The following DIP2C variants were observed in gnomAD, a reference collection of about 807,000 sequenced individuals.
The protein encoded by DIP2C is DIP2 acetate--CoA ligase C (putative), also known as disco-interacting protein 2 homolog C.
In DIP2C, 33 loss-of-function variants were observed where a neutral mutation model predicts 192.4. The observed-to-expected ratio is 0.17, with a 90% confidence interval of 0.13 to 0.23. The LOEUF is 0.23. Ranked by LOEUF, DIP2C falls within the 10% of genes least tolerant of loss-of-function variation. The probability of loss-of-function intolerance (pLI) is 1.00; values close to 1 mark genes in which losing one functional copy is unlikely to be tolerated. For synonymous variants in DIP2C, 979 were observed against 864.1 expected, an observed-to-expected ratio of 1.13 and a Z score of -2.33; for missense variants, 1,537 against 2,110.1, an observed-to-expected ratio of 0.73 and a Z score of 5.32.
At chr10:486,151 C>T (rs924036893) in intron 2 of DIP2C, among the ~76,000 whole-genome samples, 2 of 124,996 alleles carry the variant, frequency 1.6e-5, no homozygotes, top group African/African-American at 5.0e-5. Flanking sequence ...CTCTCTAAAC[C>T]AAATATGTTG....
At chr10:619,538 C>T (rs1853718004) in intron 1 of DIP2C, among the ~76,000 whole-genome samples, 1 of 123,486 alleles carries the variant, frequency 8.1e-6, no homozygotes, top group South Asian at 2.9e-4. Flanking sequence ...AGCCCGCCCG[C>T]CCGCCCTCCC....
intron 1 of DIP2C, among the ~76,000 whole-genome samples, chr10:617,036 T>C (rs955031929): frequency 6.6e-6 from 1 of 152,000 alleles, no homozygotes; most frequent in African/African-American, 2.4e-5. Context: ...GCGTAGCACA[T>C]GGCTAAGGGC....
chr10:454,246 T>C (rs536824084), intron 3 of DIP2C, among the ~76,000 whole-genome samples: 1 of 152,312 alleles, frequency 6.6e-6, no homozygotes, highest in South Asian at 2.1e-4. Flanking sequence ...TCATGCAGCA[T>C]TGAATAAATC....
At chr10:440,108 G>A (rs998178001) in intron 4 of DIP2C, among the ~76,000 whole-genome samples, 1 of 152,224 alleles carries the variant, frequency 6.6e-6, no homozygotes, top group Non-Finnish European at 1.5e-5. Flanking sequence ...GGAAGATCAT[G>A]AGATGTAGTT....
intron 1 of DIP2C, among the ~76,000 whole-genome samples, chr10:493,998 GGGA>G (rs994856237): frequency 3.3e-5 from 5 of 152,176 alleles, no homozygotes; most frequent in East Asian, 1.9e-4. Context: ...CTGCTGAAGG[GGGA>G]GGAGGACAAC....
At position 370,658 on chromosome 10, in the gene DIP2C, C is replaced by T. The variant is rs77231513; in HGVS notation, c.1992-1025G>A. ...AGTTAAAATCTAAGATCACGGATTA[C>T]ATTCCTGAAAACTAACAATTCCTCA... On this transcript the variant is annotated intron_variant, in intron 17 of 36. Coordinates refer to ENST00000280886, the MANE Select transcript of DIP2C (RefSeq NM_014974.3). Among the ~76,000 whole-genome samples, 312 of 152,354 alleles carry T rather than the reference C, an allele frequency of 2.0e-3. 1 individual carries two copies. Among genetic ancestry groups the T allele is most frequent in the Middle Eastern group, 0.014 (4 of 294 alleles).
chr10:365,601 T>A (rs1001067153), intron 19 of DIP2C, among the ~76,000 whole-genome samples: 6 of 152,216 alleles, frequency 3.9e-5, no homozygotes, highest in African/African-American at 1.4e-4. Context: ...TTTTCTTACA[T>A]ATAACTTAAA....
At position 281,139 on chromosome 10, in the gene DIP2C, T is replaced by A. The variant is rs917855747; in HGVS notation, c.4418+61A>T. 5 of 1,597,446 alleles carry A rather than the reference T, an allele frequency of 3.1e-6. No homozygotes were observed. In the African/African-American group the frequency reaches 6.7e-5, roughly 21 times the overall value. ...CTCCTCCACCGCCGTGCTCTCCACA[T>A]TCTCAATGCTTCACAAACTCTGCTC... On this transcript the variant is annotated intron_variant, in intron 36 of 36. Transcript: ENST00000280886.
intron 36 of DIP2C, 82 bp downstream of exon 36, chr10:281,118 T>TCC: frequency 6.4e-7 from 1 of 1,567,940 alleles, no homozygotes; most frequent in South Asian, 1.2e-5. Flanking sequence ...AAAACTCTCC[T>TCC]CCACCGCCGT....
intron 26 of DIP2C, 152 bp downstream of exon 26, chr10:348,489 G>A: frequency 1.6e-6 from 2 of 1,213,846 alleles, no homozygotes; most frequent in Non-Finnish European, 2.3e-6. Flanking sequence ...TAGGCTCCCT[G>A]CAGGTAGAGA....
chr10:622,582 T>A (rs940784016), intron 1 of DIP2C, among the ~76,000 whole-genome samples: 2 of 152,188 alleles, frequency 1.3e-5, no homozygotes, highest in African/African-American at 4.8e-5. Context: ...ATAGTTGATA[T>A]CAGGGACCTG....
At chr10:418,092 T>C (rs1406410754) in intron 6 of DIP2C, among the ~76,000 whole-genome samples, 1 of 4,764 alleles carries the variant, frequency 2.1e-4, no homozygotes, top group Non-Finnish European at 5.6e-4. Context: ...AGGCCTCAGA[T>C]AGGCATCCCC....
At chr10:279,336 T>C (rs952504908) in intron 36 of DIP2C, among the ~76,000 whole-genome samples, 7 of 152,120 alleles carry the variant, frequency 4.6e-5, no homozygotes, top group African/African-American at 1.7e-4. Context: ...GCATTTGAAA[T>C]GTATGGAATA....
At chr10:527,008 G>T (rs1276807550) in intron 1 of DIP2C, among the ~76,000 whole-genome samples, 4 of 152,332 alleles carry the variant, frequency 2.6e-5, no homozygotes, top group African/African-American at 9.6e-5. Context: ...GGCGGACAGG[G>T]TAAGGGCAGC....
intron 1 of DIP2C, among the ~76,000 whole-genome samples, chr10:594,217 G>T (rs1851565691): frequency 6.6e-6 from 1 of 152,206 alleles, no homozygotes; most frequent in South Asian, 2.1e-4. Flanking sequence ...TCAGCTCCAT[G>T]TAAATAGCAC....
chr10:628,166 A>C (rs1174095835), intron 1 of DIP2C, among the ~76,000 whole-genome samples: 1 of 152,206 alleles, frequency 6.6e-6, no homozygotes, highest in Admixed American at 6.5e-5. Context: ...TCTAAGTAGC[A>C]GATTAGGATT....
chr10:537,007 G>T (rs888602261), intron 1 of DIP2C, among the ~76,000 whole-genome samples: 3 of 152,190 alleles, frequency 2.0e-5, no homozygotes, highest in Non-Finnish European at 4.4e-5. Context: ...CATCAGTCAT[G>T]AGGCTGGCTG....
At chr10:443,200 T>A (rs974768904) in intron 3 of DIP2C, among the ~76,000 whole-genome samples, 3 of 152,326 alleles carry the variant, frequency 2.0e-5, no homozygotes, top group Middle Eastern at 3.4e-3. Context: ...ATATTCTGTT[T>A]TTCATCGATC....
intron 17 of DIP2C, chr10:369,854 A>T: frequency 1.5e-6 from 2 of 1,342,382 alleles, no homozygotes; most frequent in Non-Finnish European, 2.0e-6. Flanking sequence ...TTCCCAGGGA[A>T]TCCCAAGAAC....
Sources: gnomAD v4.1 joint callset for allele counts (sites outside exome capture counted in the v4.1 genomes callset) on GRCh38, gnomAD v4.1.1 for gene constraint, MANE v1.5 for transcripts, NCBI Gene and HGNC (gene_info 2026-07-23, HGNC 2026-07-21) for gene names.